Variants in ROBO2 observed in about 807,000 individuals in gnomAD.
The protein encoded by ROBO2 is roundabout homolog 2.
ROBO2 carries 53 observed loss-of-function variants against 160.8 expected under a neutral mutation model. The ratio of observed to expected loss-of-function variants is 0.33; its 90% CI spans 0.26 to 0.41. The LOEUF (loss-of-function observed/expected upper bound fraction) is 0.41. Ranked by LOEUF, ROBO2 falls within the 10% of genes least tolerant of loss-of-function variation. The pLI is 1.00. For synonymous variants in ROBO2, 664 were observed against 611.7 expected, an observed-to-expected ratio of 1.09 and a Z score of -1.26; for missense variants, 1,577 against 1,722.4, an observed-to-expected ratio of 0.92 and a Z score of 1.49.
At chr3:76,946,546 T>A (rs2078555823) in intron 2 of ROBO2, among the ~76,000 whole-genome samples, 1 of 152,136 alleles carries the variant, frequency 6.6e-6, no homozygotes, top group Non-Finnish European at 1.5e-5. Context: ...CAAGTGATTC[T>A]CTAGTCTCAG....
chr3:76,367,475 C>G (rs1345094950), intron 2 of ROBO2, among the ~76,000 whole-genome samples: 1 of 151,848 alleles, frequency 6.6e-6, no homozygotes, highest in Non-Finnish European at 1.5e-5. Context: ...ATAACCCTGA[C>G]TCGATGGGAA....
At chr3:76,704,334 A>G (rs2093112174) in intron 2 of ROBO2, among the ~76,000 whole-genome samples, 1 of 152,118 alleles carries the variant, frequency 6.6e-6, no homozygotes, top group African/African-American at 2.4e-5. Context: ...CACTTCCAAT[A>G]TCATCACTTT....
chr3:77,573,680 T>C (rs1404431634), intron 13 of ROBO2, among the ~76,000 whole-genome samples: 1 of 152,028 alleles, frequency 6.6e-6, no homozygotes, highest in Non-Finnish European at 1.5e-5. Context: ...ACTTTATACA[T>C]GATGTCCTCA....
chr3:77,640,975 A>G (rs1029094365), intron 24 of ROBO2, among the ~76,000 whole-genome samples: 14 of 152,234 alleles, frequency 9.2e-5, no homozygotes, highest in African/African-American at 2.7e-4. Context: ...CTGATGCAGA[A>G]TAAAAATCAA....
chr3:75,942,775 G>A (rs62269825), intron 2 of ROBO2, among the ~76,000 whole-genome samples: 2,677 of 152,232 alleles, frequency 0.018, 34 homozygotes, highest in Middle Eastern at 0.034. Flanking sequence ...AAGAATACCA[G>A]TGGATTTACT....
At chr3:77,055,714 A>T (rs1007424968) in intron 1 of ROBO2, among the ~76,000 whole-genome samples, 1 of 152,210 alleles carries the variant, frequency 6.6e-6, no homozygotes, top group Non-Finnish European at 1.5e-5. Flanking sequence ...ACCCTGAGGA[A>T]CTAATCAAAG....
At chr3:76,514,267 A>G (rs1364306347) in intron 2 of ROBO2, among the ~76,000 whole-genome samples, 1 of 152,126 alleles carries the variant, frequency 6.6e-6, no homozygotes, top group Non-Finnish European at 1.5e-5. Flanking sequence ...ATTTGGTTCA[A>G]GATTCTCCCC....
chr3:76,204,816 T>C (rs914076567), intron 2 of ROBO2, among the ~76,000 whole-genome samples: 1 of 152,164 alleles, frequency 6.6e-6, no homozygotes, highest in Non-Finnish European at 1.5e-5. Context: ...TATAAAGAAA[T>C]GCTGAAAGAT....
In ROBO2 at chr3:76,042,027, TAAA is replaced by T. The variant is rs36067726; in HGVS notation, c.109+104438_109+104440del. ...GAGAGCAAGAGAGAGAGAGAGAGGT[TAAA>T]AAAAAAAAAAAACACCCCAGAACAT... On this transcript the variant is annotated intron_variant, in intron 2 of 26. Transcript: ENST00000487694. Among the ~76,000 whole-genome samples the T allele has an allele frequency of 5.7e-3, 815 of 142,934 alleles. 14 individuals are homozygous for T. Among genetic ancestry groups the T allele is most frequent in the African/African-American group, 0.018 (686 of 38,552 alleles). The allele number at this position is 142,934 out of a possible 152,430, so 93.8% of individuals were successfully genotyped here. A position where few individuals can be genotyped will look rare whatever the true frequency, so the allele number is the denominator to read the frequency against.
At chr3:76,866,568 A>G (rs2071396891) in intron 2 of ROBO2, among the ~76,000 whole-genome samples, 1 of 152,144 alleles carries the variant, frequency 6.6e-6, no homozygotes, top group Non-Finnish European at 1.5e-5. Flanking sequence ...TAAATTCAGC[A>G]CTATCCAAGA....
At chr3:76,530,920 C>T (rs1039682379) in intron 2 of ROBO2, among the ~76,000 whole-genome samples, 2 of 152,112 alleles carry the variant, frequency 1.3e-5, no homozygotes, top group African/African-American at 2.4e-5. Context: ...CCTCCTTTAT[C>T]GGAAAAGTCT....
At chr3:76,842,998 C>A (rs1023021425) in intron 2 of ROBO2, among the ~76,000 whole-genome samples, 2 of 152,008 alleles carry the variant, frequency 1.3e-5, no homozygotes, top group African/African-American at 4.8e-5. Context: ...CTATTTCAAC[C>A]TTTTCACTGA....
chr3:77,484,186 A>C (rs993420147), intron 4 of ROBO2, among the ~76,000 whole-genome samples: 3 of 152,044 alleles, frequency 2.0e-5, no homozygotes, highest in Non-Finnish European at 4.4e-5. Flanking sequence ...ATCATAGTCT[A>C]CAGTAGCACT....
intron 2 of ROBO2, among the ~76,000 whole-genome samples, chr3:77,270,851 C>T (rs1010898786): frequency 5.7e-4 from 86 of 151,570 alleles, no homozygotes; most frequent in African/African-American, 1.9e-3. Flanking sequence ...GCTGAGGCAG[C>T]AGAATCACTT....
At chr3:76,259,175 T>A (rs1353234812) in intron 2 of ROBO2, among the ~76,000 whole-genome samples, 1 of 152,096 alleles carries the variant, frequency 6.6e-6, no homozygotes, top group Non-Finnish European at 1.5e-5. Context: ...TTTTGTTTTT[T>A]AAATATATTC....
intron 5 of ROBO2, among the ~76,000 whole-genome samples, chr3:77,499,880 C>G (rs1041795122): frequency 1.3e-5 from 2 of 152,044 alleles, no homozygotes; most frequent in African/African-American, 2.4e-5. Flanking sequence ...AACTTCTGAC[C>G]TCATGATCCA....
intron 2 of ROBO2, among the ~76,000 whole-genome samples, chr3:76,510,557 C>T (rs1408119299): frequency 2.0e-5 from 3 of 152,100 alleles, no homozygotes; most frequent in Non-Finnish European, 4.4e-5. Context: ...AATCCCATCT[C>T]TACCAAAAAT....
intron 2 of ROBO2, among the ~76,000 whole-genome samples, chr3:76,103,750 G>T (rs1191033362): frequency 6.6e-6 from 1 of 152,152 alleles, no homozygotes; most frequent in Non-Finnish European, 1.5e-5. Context: ...TCAAATCTAC[G>T]CAGGTGTTGT....
intron 2 of ROBO2, among the ~76,000 whole-genome samples, chr3:76,457,447 A>C (rs979126481): frequency 5.3e-5 from 8 of 152,182 alleles, no homozygotes. Flanking sequence ...GGTCTTAGGC[A>C]GCTCCGCCCC....
Sources: gnomAD v4.1 joint callset for allele counts (sites outside exome capture counted in the v4.1 genomes callset) on GRCh38, gnomAD v4.1.1 for gene constraint, MANE v1.5 for transcripts, NCBI Gene and HGNC (gene_info 2026-07-23, HGNC 2026-07-21) for gene names.